The following PDZD2 variants were observed in gnomAD, a reference collection of about 807,000 sequenced individuals.
The protein encoded by PDZD2 is PDZ domain containing 2.
Under a neutral mutation model 220.7 loss-of-function variants are expected in PDZD2, and 90 were observed. That is an observed-to-expected ratio of 0.41 (90% CI 0.34 to 0.49). The LOEUF is 0.49. Among genes scored for constraint, PDZD2 ranks in the 20% least tolerant of loss-of-function variants. The pLI is 0.28. For synonymous variants in PDZD2, 1,375 were observed against 1,450.5 expected, an observed-to-expected ratio of 0.95 and a Z score of 1.18; for missense variants, 3,174 against 3,608.5, an observed-to-expected ratio of 0.88 and a Z score of 3.08.
At chr5:32,021,268 T>A (rs972727516) in intron 6 of PDZD2, among the ~76,000 whole-genome samples, 1 of 150,112 alleles carries the variant, frequency 6.7e-6, no homozygotes, top group South Asian at 2.1e-4. Flanking sequence ...ATTTTTTTTT[T>A]AATTGTTGTT....
rs1307776742 is a variant in PDZD2, at chr5:31,646,477, AG to A, written c.-361+7042del. On this transcript the variant is annotated intron_variant, in intron 1 of 24. Transcript: ENST00000438447. This position sits in a 1 kb window ranked among gnomAD's most constrained non-coding sequence, Gnocchi z 4.7. ...TCATACACTCTCTCCAAGAGCACGAAGGTTTCTTTTTCTTTTTCTGTTTAAT... is the reference window on the plus strand; with the variant it reads ...TCATACACTCTCTCCAAGAGCACGAAGTTTCTTTTTCTTTTTCTGTTTAAT... 5.3e-5 allele frequency among the ~76,000 whole-genome samples: 8 copies of A among 152,116 alleles called. No homozygotes were observed. Among genetic ancestry groups the A allele is most frequent in the African/African-American group, 1.9e-4 (8 of 41,440 alleles).
chr5:32,087,145 T>G lies in PDZD2; in HGVS notation c.3697T>G (p.Ser1233Ala), dbSNP rs535111335. Residue 1233 changes from serine (S) to alanine (A), a missense_variant, in exon 20 of 25, where the codon TCA becomes GCA. Ser to Ala is a moderately conservative substitution (Grantham distance 99, BLOSUM62 1). Transcript: ENST00000438447. The surrounding 1 kb of genome is among the most constrained non-coding windows in gnomAD (Gnocchi z 4.0). The stretch of plus-strand genomic sequence containing the variant: ...TCCCCACGTAGAACTGGACAGCTCC[T>G]CAGACCTCATCTCTTCCCCAGGGAA... ...QQPMTELDSS[S>A]DLISSPGKKG... The G allele has an allele frequency of 6.2e-7, 1 of 1,610,052 alleles. No individual in the cohort carries two copies. The highest frequency in any genetic ancestry group is 1.1e-5 in the South Asian group (1 of 90,924).
At position 32,012,577 on chromosome 5, in the gene PDZD2, G is replaced by A. The variant is rs115982844; in HGVS notation, c.1407+2095G>A. On this transcript the variant is annotated intron_variant, in intron 6 of 24. Coordinates refer to ENST00000438447, the MANE Select transcript of PDZD2 (RefSeq NM_178140.4). ...TTTTTGTATTTTCATTAGTAGAGAC[G>A]AGGTTTCACTGTGTTGCCCAGGCTG... Among the ~76,000 whole-genome samples the A allele has an allele frequency of 9.3e-3, 1,411 of 151,620 alleles. 9 individuals carry two copies. Among genetic ancestry groups the A allele is most frequent in the Non-Finnish European group, 0.014 (976 of 67,904 alleles).
At chr5:31,882,472 G>A (rs186825830) in intron 2 of PDZD2, among the ~76,000 whole-genome samples, 1 of 152,298 alleles carries the variant, frequency 6.6e-6, no homozygotes, top group East Asian at 1.9e-4. Flanking sequence ...AGAGGGAGGA[G>A]AGGGTGTTTT....
At chr5:31,946,473 A>C (rs547649801) in intron 2 of PDZD2, among the ~76,000 whole-genome samples, 1 of 152,270 alleles carries the variant, frequency 6.6e-6, no homozygotes, top group African/African-American at 2.4e-5. Context: ...TCATATTTGT[A>C]AAACATTCCT....
At chr5:31,968,596 G>A (rs966949714) in intron 2 of PDZD2, among the ~76,000 whole-genome samples, 1 of 151,178 alleles carries the variant, frequency 6.6e-6, no homozygotes, top group Non-Finnish European at 1.5e-5. Flanking sequence ...GGGAGGTTGG[G>A]GTGAGCCGAG....
At chr5:31,854,863 G>A (rs1239032680) in intron 2 of PDZD2, 2 of 484,412 alleles carry the variant, frequency 4.1e-6, no homozygotes, top group South Asian at 8.7e-5. Context: ...GCCGAGTTTA[G>A]GATTGCATTA....
At chr5:32,103,257 C>A (rs528398149) in intron 24 of PDZD2, among the ~76,000 whole-genome samples, 2 of 151,374 alleles carry the variant, frequency 1.3e-5, no homozygotes, top group Non-Finnish European at 3.0e-5. Context: ...AACAAACAAA[C>A]AAAAAACAAG....
intron 2 of PDZD2, among the ~76,000 whole-genome samples, chr5:31,814,123 A>G (rs896996742): frequency 6.6e-6 from 1 of 152,248 alleles, no homozygotes; most frequent in African/African-American, 2.4e-5. Context: ...GAGGTACCAG[A>G]AAAGATGTAT....
intron 2 of PDZD2, among the ~76,000 whole-genome samples, chr5:31,862,553 C>T (rs927591336): frequency 2.7e-5 from 4 of 146,296 alleles, no homozygotes; most frequent in African/African-American, 7.4e-5. Flanking sequence ...ACCATGGCAC[C>T]TTTTCTTTTC....
In PDZD2 at chr5:32,072,139, C is replaced by T. The variant is rs781780027; in HGVS notation, c.2569-22C>T. ...GCTTCTGCTGTGTTTTCTTAGTTAT[C>T]GGATGTTTTCTTCTTCAACAGGACT... On this transcript the variant is annotated intron_variant, in intron 16 of 24. Transcript: ENST00000438447. 71 of 1,571,534 alleles carry T rather than the reference C, an allele frequency of 4.5e-5. 1 individual carries two copies. The Middle Eastern group carries it at 2.2e-3, about 49-fold the overall frequency.
At chr5:32,044,759 T>A (rs1056748082) in intron 7 of PDZD2, among the ~76,000 whole-genome samples, 2 of 152,160 alleles carry the variant, frequency 1.3e-5, no homozygotes, top group African/African-American at 4.8e-5. Flanking sequence ...CTTCACGTGA[T>A]ATTTACATGC....
intron 1 of PDZD2, among the ~76,000 whole-genome samples, chr5:31,642,869 G>A (rs1019122838): frequency 1.3e-5 from 2 of 152,214 alleles, no homozygotes; most frequent in Non-Finnish European, 2.9e-5. Flanking sequence ...AAGGGCTGCG[G>A]TACTGCTGCC....
At chr5:31,776,882 TC>T (rs1345441715) in intron 1 of PDZD2, among the ~76,000 whole-genome samples, 1 of 151,780 alleles carries the variant, frequency 6.6e-6, no homozygotes, top group African/African-American at 2.4e-5. Flanking sequence ...TGGTCTTGAA[TC>T]CCTGGTCTCA....
Position 31,799,406 on chromosome 5 carries a change from A to T in PDZD2, c.158A>T (p.Asp53Val). The T allele has an allele frequency of 6.2e-7, 1 of 1,614,214 alleles. No homozygotes were observed. The highest frequency in any genetic ancestry group is 8.5e-7 in the Non-Finnish European group (1 of 1,180,038). ...QEYIQLNFAV[D>V]ESTVPPDHSP... ...TACATCCAGCTGAACTTTGCTGTGGATGAGAGTACGGTCCCACCTGATCAC... is the reference window on the plus strand; with the variant it reads ...TACATCCAGCTGAACTTTGCTGTGGTTGAGAGTACGGTCCCACCTGATCAC... Residue 53 changes from aspartate (D) to valine (V), a missense_variant, in exon 2 of 25, where the codon GAT becomes GTT. Asp to Val is a radical substitution (Grantham distance 152). Coordinates refer to ENST00000438447, the MANE Select transcript of PDZD2 (RefSeq NM_178140.4).
intron 1 of PDZD2, among the ~76,000 whole-genome samples, chr5:31,775,868 G>T (rs888496056): frequency 6.6e-6 from 1 of 152,048 alleles, no homozygotes; most frequent in Non-Finnish European, 1.5e-5. Context: ...GTGAGCTTCC[G>T]GTAACAAACC....
intron 2 of PDZD2, among the ~76,000 whole-genome samples, chr5:31,811,967 G>T (rs1250344355): frequency 6.6e-6 from 1 of 151,464 alleles, no homozygotes; most frequent in Non-Finnish European, 1.5e-5. Context: ...TCCAGTCTGG[G>T]CAAGAGAGTG....
At chr5:31,888,228 T>C (rs768843490) in intron 2 of PDZD2, among the ~76,000 whole-genome samples, 2 of 152,046 alleles carry the variant, frequency 1.3e-5, no homozygotes, top group Non-Finnish European at 2.9e-5. Flanking sequence ...TCCCTCCCTC[T>C]GTCACCCAGG....
At chr5:31,883,323 C>T (rs566453050) in intron 2 of PDZD2, among the ~76,000 whole-genome samples, 10 of 139,160 alleles carry the variant, frequency 7.2e-5, no homozygotes, top group South Asian at 2.5e-4. Context: ...TGGGTTCAAA[C>T]GATTCTCCTG....
Sources: gnomAD v4.1 joint callset for allele counts (sites outside exome capture counted in the v4.1 genomes callset) on GRCh38, gnomAD v4.1.1 for gene constraint, Gnocchi (gnomAD v3.1) non-coding constraint, MANE v1.5 for transcripts, NCBI Gene and HGNC (gene_info 2026-07-23, HGNC 2026-07-21) for gene names.